AFG2A: variants seen among roughly 807,000 people sequenced by gnomAD.
AFG2A encodes the protein AAA ATPase AFG2A.
At chr4:123,191,091 G>A in the AFG2A span, among the ~76,000 whole-genome samples, 2 of 152,062 alleles carry the variant, frequency 1.3e-5, no homozygotes, top group Non-Finnish European at 2.9e-5. Flanking sequence ...CAAGCAGTTT[G>A]GCAGGGTAAT....
the AFG2A span, chr4:122,928,998 GAA>G: frequency 6.3e-7 from 1 of 1,591,684 alleles, no homozygotes; most frequent in African/African-American, 1.4e-5. Context: ...GGTATTCTAT[GAA>G]TATTTATTTT....
chr4:123,075,768 A>C, the AFG2A span, among the ~76,000 whole-genome samples: 4 of 151,232 alleles, frequency 2.6e-5, no homozygotes, highest in African/African-American at 9.7e-5. Context: ...GACCAGCCGG[A>C]CCAACATGGA....
At chr4:122,929,910 AG>A in the AFG2A span, among the ~76,000 whole-genome samples, 2 of 152,136 alleles carry the variant, frequency 1.3e-5, no homozygotes, top group Non-Finnish European at 2.9e-5. Flanking sequence ...TTATAGACTA[AG>A]GACTTTGATT....
the AFG2A span, among the ~76,000 whole-genome samples, chr4:123,276,151 A>AT: frequency 4.6e-5 from 7 of 151,866 alleles, no homozygotes; most frequent in African/African-American, 1.2e-4. Flanking sequence ...AGAATCTGTT[A>AT]TTTTTTTGCT....
the AFG2A span, among the ~76,000 whole-genome samples, chr4:123,312,082 G>A: frequency 2.6e-5 from 4 of 152,160 alleles, no homozygotes; most frequent in East Asian, 5.8e-4. Flanking sequence ...CCACTCTGTT[G>A]GATGTGTTTC....
At chr4:122,998,819 G>A in the AFG2A span, among the ~76,000 whole-genome samples, 5 of 152,142 alleles carry the variant, frequency 3.3e-5, no homozygotes, top group African/African-American at 9.7e-5. Context: ...TCCTTTGGGT[G>A]TATACCCAGT....
the AFG2A span, among the ~76,000 whole-genome samples, chr4:122,931,565 A>G: frequency 6.6e-6 from 1 of 152,156 alleles, no homozygotes; most frequent in Non-Finnish European, 1.5e-5. Flanking sequence ...CTCCAAAGTA[A>G]TTCTTTCTGG....
the AFG2A span, among the ~76,000 whole-genome samples, chr4:123,168,343 C>T: frequency 6.6e-6 from 1 of 151,914 alleles, no homozygotes; most frequent in Non-Finnish European, 1.5e-5. Flanking sequence ...TTTAATAAAG[C>T]AAATCTAAGT....
At chr4:123,180,051 C>G in the AFG2A span, among the ~76,000 whole-genome samples, 2 of 152,126 alleles carry the variant, frequency 1.3e-5, no homozygotes, top group South Asian at 4.2e-4. Context: ...GAAATCTCAT[C>G]TTTACTGAAA....
chr4:123,101,076 A>T, the AFG2A span, among the ~76,000 whole-genome samples: 1 of 152,010 alleles, frequency 6.6e-6, no homozygotes, highest in Non-Finnish European at 1.5e-5. Context: ...GTATTTCTTT[A>T]TTCATTGATA....
At chr4:123,292,613 G>A in the AFG2A span, among the ~76,000 whole-genome samples, 1 of 152,270 alleles carries the variant, frequency 6.6e-6, no homozygotes, top group Admixed American at 6.5e-5. Context: ...AGTGCTTTCA[G>A]TGGCAAAGAC....
the AFG2A span, chr4:123,028,124 T>A: frequency 7.2e-7 from 1 of 1,379,632 alleles, no homozygotes; most frequent in Non-Finnish European, 1.0e-6. Flanking sequence ...TGTTTTTTAT[T>A]TTTTTTTAGT....
chr4:123,098,455 G>T, the AFG2A span, among the ~76,000 whole-genome samples: 1 of 151,970 alleles, frequency 6.6e-6, no homozygotes, highest in African/African-American at 2.4e-5. Context: ...CAGTACAATA[G>T]ACCTCTTGAA....
chr4:123,002,730 C>T, the AFG2A span, among the ~76,000 whole-genome samples: 17 of 152,176 alleles, frequency 1.1e-4, no homozygotes, highest in South Asian at 6.2e-4. Flanking sequence ...CTCTGGCTGC[C>T]CTTAACATTT....
At chr4:122,924,572 T>C in the AFG2A span, among the ~76,000 whole-genome samples, 4 of 152,230 alleles carry the variant, frequency 2.6e-5, no homozygotes, top group African/African-American at 9.6e-5. Context: ...GCTCGTCCTC[T>C]TCCCTTGACC....
chr4:122,984,894 A>C, the AFG2A span, among the ~76,000 whole-genome samples: 435 of 152,216 alleles, frequency 2.9e-3, no homozygotes, highest in African/African-American at 9.8e-3. Context: ...GTGTTCATCA[A>C]GGATATTGGT....
chr4:123,316,842 A>G, the AFG2A span: 1 of 152,368 alleles, frequency 6.6e-6, no homozygotes, highest in East Asian at 1.9e-4. Flanking sequence ...AGGGTAGACA[A>G]GAAAAGAAAA....
chr4:123,081,818 T>C, the AFG2A span, among the ~76,000 whole-genome samples: 1 of 152,212 alleles, frequency 6.6e-6, no homozygotes. Context: ...TGTTGGCAAC[T>C]TTCCTGATTT....
chr4:123,015,641 C>A, the AFG2A span, among the ~76,000 whole-genome samples: 2 of 151,172 alleles, frequency 1.3e-5, no homozygotes, highest in Non-Finnish European at 3.0e-5. Context: ...GCCTTTCTCC[C>A]CTTTCTGTTC....
Sources: allele counts gnomAD v4.1 joint callset (sites outside exome capture counted in the v4.1 genomes callset), GRCh38; gene constraint gnomAD v4.1.1; transcripts MANE v1.5; gene names NCBI Gene and HGNC (gene_info 2026-07-23, HGNC 2026-07-21).